The following NRXN1 variants were observed in gnomAD, a reference collection of about 807,000 sequenced individuals.
NRXN1 encodes the protein neurexin-1.
A neutral mutation model predicts 150.9 loss-of-function variants in NRXN1; 39 were observed. The observed-to-expected ratio is 0.26, with a 90% CI of 0.20 to 0.34. NRXN1 has a LOEUF of 0.34. Ranked by LOEUF, NRXN1 falls within the 10% of genes least tolerant of loss-of-function variation. The pLI, the probability that NRXN1 is intolerant of heterozygous loss-of-function variation, is 1.00. For synonymous variants in NRXN1, 924 were observed against 757.0 expected (o/e 1.22, Z -3.62); for missense variants, 1,815 against 1,949.9 (o/e 0.93, Z 1.30).
chr2:50,491,953 T>C (rs917829338), intron 15 of NRXN1, among the ~76,000 whole-genome samples: 2 of 152,152 alleles, frequency 1.3e-5, no homozygotes, highest in African/African-American at 4.8e-5. Flanking sequence ...CCCTGGGTAA[T>C]TGCAAGGATT....
intron 18 of NRXN1, among the ~76,000 whole-genome samples, chr2:50,131,326 C>T (rs767683535): frequency 6.6e-6 from 1 of 152,132 alleles, no homozygotes; most frequent in African/African-American, 2.4e-5. Context: ...ATTGATAAAA[C>T]CTTACTGTTT....
chr2:49,926,166 A>G, intron 22 of NRXN1: 2 of 393,218 alleles, frequency 5.1e-6, no homozygotes, highest in Non-Finnish European at 9.0e-6. Context: ...AAGGAAATAG[A>G]GCAGTACAAC....
chr2:50,050,349 A>G (rs1176547404), intron 21 of NRXN1, among the ~76,000 whole-genome samples: 3 of 151,946 alleles, frequency 2.0e-5, no homozygotes, highest in East Asian at 1.9e-4. Context: ...AATGAGTCCA[A>G]TTTAATTCTG....
intron 17 of NRXN1, among the ~76,000 whole-genome samples, chr2:50,374,156 C>A (rs2080314155): frequency 6.6e-6 from 1 of 151,510 alleles, no homozygotes. Context: ...AAATAGCCGG[C>A]TGTAGTGGGG....
chr2:50,525,627 G>C (rs1416496562), intron 12 of NRXN1, among the ~76,000 whole-genome samples: 1 of 152,220 alleles, frequency 6.6e-6, no homozygotes, highest in African/African-American at 2.4e-5. Context: ...GTCTGGGATT[G>C]TGTGCAGTCA....
At chr2:50,430,184 A>C (rs2084846893) in intron 17 of NRXN1, among the ~76,000 whole-genome samples, 1 of 152,198 alleles carries the variant, frequency 6.6e-6, no homozygotes, top group Non-Finnish European at 1.5e-5. Flanking sequence ...CCTATCAGTC[A>C]TGACGGGGAG....
At chr2:50,887,234 C>A (rs920273181) in intron 5 of NRXN1, among the ~76,000 whole-genome samples, 1 of 151,376 alleles carries the variant, frequency 6.6e-6, no homozygotes, top group Non-Finnish European at 1.5e-5. Context: ...GAAAATTTTG[C>A]ATCTCTCTTC....
chr2:50,752,419 T>C (rs951318865), intron 5 of NRXN1, among the ~76,000 whole-genome samples: 11 of 151,918 alleles, frequency 7.2e-5, no homozygotes, highest in Non-Finnish European at 1.3e-4. Context: ...ACAACTGACA[T>C]TGTATTTCTG....
chr2:51,004,656 TAAAC>T (rs1462742264), intron 2 of NRXN1, among the ~76,000 whole-genome samples: 3 of 147,788 alleles, frequency 2.0e-5, no homozygotes, highest in African/African-American at 7.4e-5. Flanking sequence ...AATAAATAAA[TAAAC>T]AAATAAACAA....
At chr2:50,811,104 A>C (rs1388163153) in intron 5 of NRXN1, among the ~76,000 whole-genome samples, 1 of 152,242 alleles carries the variant, frequency 6.6e-6, no homozygotes, top group African/African-American at 2.4e-5. Context: ...TCACATTTTA[A>C]AAATTATAGT....
intron 8 of NRXN1, among the ~76,000 whole-genome samples, chr2:50,563,308 A>G (rs1481963705): frequency 6.6e-6 from 1 of 152,222 alleles, no homozygotes; most frequent in Non-Finnish European, 1.5e-5. Flanking sequence ...TGACAATTTT[A>G]TCATATCAGA....
At chr2:50,860,843 A>G (rs760837858) in intron 5 of NRXN1, among the ~76,000 whole-genome samples, 13 of 152,140 alleles carry the variant, frequency 8.5e-5, no homozygotes, top group Non-Finnish European at 1.9e-4. Flanking sequence ...AAAACTGTAT[A>G]TAAGTGAAGA....
At chr2:50,906,070 G>A (rs967750751) in intron 5 of NRXN1, among the ~76,000 whole-genome samples, 3 of 152,100 alleles carry the variant, frequency 2.0e-5, no homozygotes, top group African/African-American at 7.2e-5. Flanking sequence ...GATTCAGATT[G>A]ATGTGGCAGT....
chr2:50,841,713 G>C lies in NRXN1; in HGVS notation c.832+80156C>G, dbSNP rs145642364. On this transcript the variant is annotated intron_variant, in intron 5 of 22. Coordinates refer to ENST00000401669, the MANE Select transcript of NRXN1 (RefSeq NM_001330078.2). The stretch of plus-strand genomic sequence containing the variant: ...CATCTAACATTTCTGTTATGTCTTT[G>C]GGAAAAAAAATTGTAATTTTTGTAA... 1.6e-3 allele frequency among the ~76,000 whole-genome samples: 247 copies of C among 152,020 alleles called. 5 individuals carry two copies. The highest frequency in any genetic ancestry group is 4.3e-4 in the Non-Finnish European group (29 of 67,964).
At chr2:50,518,501 A>G (rs1232176377) in intron 12 of NRXN1, among the ~76,000 whole-genome samples, 10 of 151,966 alleles carry the variant, frequency 6.6e-5, no homozygotes, top group Admixed American at 6.6e-4. Flanking sequence ...AGTAATACTC[A>G]TTTAATGTAT....
chr2:50,268,809 C>A (rs1368806898), intron 17 of NRXN1, among the ~76,000 whole-genome samples: 1 of 152,188 alleles, frequency 6.6e-6, no homozygotes, highest in Non-Finnish European at 1.5e-5. Flanking sequence ...TTTATCTAGG[C>A]CACATAGCTT....
chr2:50,643,492 C>T (rs1302170987), intron 5 of NRXN1, among the ~76,000 whole-genome samples: 2 of 151,856 alleles, frequency 1.3e-5, no homozygotes, highest in Non-Finnish European at 2.9e-5. Flanking sequence ...ATTAAGAAAA[C>T]ATTCCTGACT....
intron 18 of NRXN1, among the ~76,000 whole-genome samples, chr2:50,098,288 C>G (rs570336233): frequency 1.2e-4 from 19 of 152,064 alleles, no homozygotes; most frequent in Non-Finnish European, 1.9e-4. Context: ...AACTTTCAAT[C>G]AAATTGGGAA....
intron 17 of NRXN1, among the ~76,000 whole-genome samples, chr2:50,335,402 C>T (rs1015467665): frequency 1.3e-5 from 2 of 152,122 alleles, no homozygotes; most frequent in African/African-American, 2.4e-5. Flanking sequence ...CGAAATCTCT[C>T]GCAACTGTAA....
Sources: allele counts gnomAD v4.1 joint callset (sites outside exome capture counted in the v4.1 genomes callset), GRCh38; gene constraint gnomAD v4.1.1; transcripts MANE v1.5; gene names NCBI Gene and HGNC (gene_info 2026-07-23, HGNC 2026-07-21).